The following STPG2 variants were observed in gnomAD, a reference collection of about 807,000 sequenced individuals.
The protein encoded by STPG2 is sperm-tail PG-rich repeat-containing protein 2.
In STPG2, 56 loss-of-function variants were observed where a neutral mutation model predicts 54.2. The ratio of observed to expected loss-of-function variants is 1.03; its 90% CI spans 0.83 to 1.29. The LOEUF (loss-of-function observed/expected upper bound fraction) is 1.29, where lower values mean the gene tolerates loss of function less well. Ranked by LOEUF, STPG2 falls within the 50% of genes most tolerant of loss-of-function variation. The pLI is 0.00. For synonymous variants in STPG2, 200 were observed against 181.8 expected, an observed-to-expected ratio of 1.10 and a Z score of -0.81; for missense variants, 596 against 544.9, an observed-to-expected ratio of 1.09 and a Z score of -0.93.
intron 4 of STPG2, among the ~76,000 whole-genome samples, chr4:97,456,619 G>A (rs1401065307): frequency 6.6e-6 from 1 of 152,062 alleles, no homozygotes; most frequent in Non-Finnish European, 1.5e-5. Context: ...GATGGGGCCG[G>A]GAGCGGTGGC....
At chr4:97,822,885 G>T (rs1728132071) in intron 9 of STPG2, among the ~76,000 whole-genome samples, 1 of 152,092 alleles carries the variant, frequency 6.6e-6, no homozygotes, top group Non-Finnish European at 1.5e-5. Context: ...AAGTTTGAGT[G>T]GTCTAAATTA....
At chr4:97,683,264 A>G (rs185117235) in intron 10 of STPG2, among the ~76,000 whole-genome samples, 2 of 151,940 alleles carry the variant, frequency 1.3e-5, no homozygotes, top group African/African-American at 4.8e-5. Flanking sequence ...AAAGGAAGCT[A>G]TTCAACAGTC....
intron 8 of STPG2, among the ~76,000 whole-genome samples, chr4:97,878,731 A>T (rs1730266625): frequency 6.6e-6 from 1 of 152,150 alleles, no homozygotes; most frequent in Non-Finnish European, 1.5e-5. Flanking sequence ...TGCCCTGAAG[A>T]CATTTTCCCC....
At chr4:98,026,666 G>A (rs553501153) in intron 5 of STPG2, among the ~76,000 whole-genome samples, 22 of 152,130 alleles carry the variant, frequency 1.4e-4, no homozygotes, top group African/African-American at 5.1e-4. Context: ...ATAAACTCCG[G>A]TCCACTGACT....
chr4:97,533,696 T>C (rs889871505), intron 4 of STPG2, among the ~76,000 whole-genome samples: 3 of 152,136 alleles, frequency 2.0e-5, no homozygotes, highest in African/African-American at 7.2e-5. Flanking sequence ...GATTTTTCCA[T>C]ATTATAGCAT....
At chr4:97,445,476 GTATAT>G (rs1560611294) in intron 4 of STPG2, among the ~76,000 whole-genome samples, 2 of 152,068 alleles carry the variant, frequency 1.3e-5, no homozygotes, top group Non-Finnish European at 2.9e-5. Context: ...AATCTTAATA[GTATAT>G]TTTATTTTAT....
At chr4:97,471,582 G>GTGCC (rs1177627625) in intron 4 of STPG2, among the ~76,000 whole-genome samples, 1 of 152,066 alleles carries the variant, frequency 6.6e-6, no homozygotes, top group African/African-American at 2.4e-5. Flanking sequence ...TTCTGAGAAG[G>GTGCC]TGCCTGAGGG....
chr4:97,485,813 C>A lies in STPG2; in HGVS notation c.462+226886G>T, dbSNP rs187452176. Among the ~76,000 whole-genome samples the A allele has an allele frequency of 1.8e-3, 275 of 152,048 alleles. 1 individual carries two copies. Among genetic ancestry groups the A allele is most frequent in the African/African-American group, 6.3e-3 (263 of 41,496 alleles). Reference sequence around the variant, plus strand: ...AACTATACTTTAAGGCCATAGTCACCAAAACAGCATGGTGCTGGTATAAAA... The same window carrying A: ...AACTATACTTTAAGGCCATAGTCACAAAAACAGCATGGTGCTGGTATAAAA... On this transcript the variant is annotated intron_variant, in intron 4 of 4. Transcript: ENST00000522676.
chr4:97,930,492 T>C (rs889683549), intron 8 of STPG2, among the ~76,000 whole-genome samples: 5 of 152,202 alleles, frequency 3.3e-5, no homozygotes, highest in Non-Finnish European at 7.3e-5. Context: ...GTTGTAGATG[T>C]ATGGCCCTCA....
chr4:97,729,376 CA>C (rs1402931647), intron 9 of STPG2, among the ~76,000 whole-genome samples: 1 of 152,018 alleles, frequency 6.6e-6, no homozygotes, highest in African/African-American at 2.4e-5. Flanking sequence ...TAGCAAAAAC[CA>C]CAATTACTTT....
At chr4:97,501,391 T>C (rs752394146) in intron 4 of STPG2, among the ~76,000 whole-genome samples, 3 of 151,612 alleles carry the variant, frequency 2.0e-5, no homozygotes, top group Non-Finnish European at 4.4e-5. Context: ...AGGATAAGGT[T>C]AGAGGTGGAA....
chr4:97,492,206 C>T (rs760942208), intron 4 of STPG2, among the ~76,000 whole-genome samples: 2 of 151,522 alleles, frequency 1.3e-5, no homozygotes, highest in East Asian at 2.0e-4. Flanking sequence ...TCCCACCCAT[C>T]GAAGAACTAC....
At chr4:97,714,826 T>C (rs1481737803) in intron 9 of STPG2, among the ~76,000 whole-genome samples, 1 of 152,148 alleles carries the variant, frequency 6.6e-6, no homozygotes. Flanking sequence ...ACCGTAAAGA[T>C]ATATAAAGGT....
intron 8 of STPG2, among the ~76,000 whole-genome samples, chr4:97,904,352 C>G (rs997567363): frequency 1.3e-5 from 2 of 152,210 alleles, no homozygotes; most frequent in African/African-American, 2.4e-5. Flanking sequence ...TGACACCTCA[C>G]ACGGCTGGCC....
At chr4:97,862,058 A>C (rs1729568795) in intron 8 of STPG2, among the ~76,000 whole-genome samples, 1 of 152,126 alleles carries the variant, frequency 6.6e-6, no homozygotes, top group African/African-American at 2.4e-5. Context: ...ACAGAATCAA[A>C]TTCACACATA....
intron 5 of STPG2, among the ~76,000 whole-genome samples, chr4:98,001,444 C>A (rs880472): frequency 0.39 from 59,702 of 151,416 alleles, 11,972 homozygotes; most frequent in Middle Eastern, 0.46. Flanking sequence ...CCACAGAGTT[C>A]CTTAATGTCA....
Position 97,728,303 on chromosome 4 carries a change from C to A in STPG2, c.1205-15489G>T, listed in dbSNP as rs547976092. 1.7e-3 allele frequency among the ~76,000 whole-genome samples: 264 copies of A among 151,902 alleles called. 2 individuals are homozygous for A. Among genetic ancestry groups the A allele is most frequent in the Non-Finnish European group, 2.5e-3 (167 of 67,860 alleles). On this transcript the variant is annotated intron_variant, in intron 9 of 10. Coordinates refer to ENST00000295268, the MANE Select transcript of STPG2 (RefSeq NM_174952.3). Reference sequence around the variant, plus strand: ...CACAATAAAAGCAAATATTGATAACCAAAGAAATGAGATAATTTTGATGTC... The same window carrying A: ...CACAATAAAAGCAAATATTGATAACAAAAGAAATGAGATAATTTTGATGTC...
chr4:97,969,430 A>AATAACTAAT (rs1451639563), intron 7 of STPG2, among the ~76,000 whole-genome samples: 1 of 152,086 alleles, frequency 6.6e-6, no homozygotes, highest in Non-Finnish European at 1.5e-5. Flanking sequence ...TGCCCTCACT[A>AATAACTAAT]AACTTAATAA....
In STPG2 at chr4:97,989,536, ATGT is replaced by A. The variant is rs575983230; in HGVS notation, c.613-8221_613-8219del. On this transcript the variant is annotated intron_variant, in intron 5 of 10. Coordinates refer to ENST00000295268, the MANE Select transcript of STPG2 (RefSeq NM_174952.3). ...TAATAAAATAGAACAATTATAATAA[ATGT>A]TGTTCACAATTTCACAGATAGAAGA... is the stretch of plus-strand genomic sequence containing the variant. 3.4e-3 allele frequency among the ~76,000 whole-genome samples: 518 copies of A among 152,308 alleles called. 3 individuals carry two copies. The highest frequency in any genetic ancestry group is 5.8e-3 in the Non-Finnish European group (396 of 68,030).
Sources: allele counts gnomAD v4.1 joint callset (sites outside exome capture counted in the v4.1 genomes callset), GRCh38; gene constraint gnomAD v4.1.1; transcripts MANE v1.5; gene names NCBI Gene and HGNC (gene_info 2026-07-23, HGNC 2026-07-21).